The following ZNF423 variants were observed in gnomAD, a reference collection of about 807,000 sequenced individuals.
ZNF423 encodes the protein Ebf-associated zinc finger protein.
In ZNF423, 12 loss-of-function variants were observed where a neutral mutation model predicts 95.8. The ratio of observed to expected loss-of-function variants is 0.13; its 90% CI spans 0.08 to 0.20. The LOEUF (loss-of-function observed/expected upper bound fraction) is 0.20. Ranked by LOEUF, ZNF423 falls within the 10% of genes least tolerant of loss-of-function variation. ZNF423 has a pLI of 1.00. For missense variants in ZNF423, 1,316 were observed against 1,737.1 expected (o/e 0.76, Z 4.31); for synonymous variants, 749 against 711.9 (o/e 1.05, Z -0.83).
intron 7 of ZNF423, chr16:49,518,519 T>C: frequency 2.3e-6 from 1 of 441,760 alleles, no homozygotes; most frequent in South Asian, 1.6e-5. Context: ...ATATCTAGTC[T>C]TATTGCTGCA....
chr16:49,773,256 T>C (rs558735393), intron 2 of ZNF423, among the ~76,000 whole-genome samples: 3 of 151,974 alleles, frequency 2.0e-5, no homozygotes, highest in Admixed American at 2.0e-4. Flanking sequence ...GAGGCGAAAA[T>C]TGCAGTGAGC....
chr16:49,631,475 C>A (rs989760460), intron 4 of ZNF423, among the ~76,000 whole-genome samples: 2 of 151,978 alleles, frequency 1.3e-5, no homozygotes, highest in Non-Finnish European at 2.9e-5. Flanking sequence ...GATATAATTA[C>A]AGAAAGACAG....
intron 3 of ZNF423, among the ~76,000 whole-genome samples, chr16:49,700,879 G>A (rs1463567572): frequency 6.6e-6 from 1 of 152,078 alleles, no homozygotes; most frequent in East Asian, 1.9e-4. Flanking sequence ...AGTCACTCTG[G>A]CAGAAAGGAG....
At chr16:49,854,573 A>G (rs933469227) in intron 1 of ZNF423, 3 of 985,322 alleles carry the variant, frequency 3.0e-6, no homozygotes, top group Admixed American at 6.1e-5. Flanking sequence ...CCGTAGACTT[A>G]GCCGCTCTCA....
chr16:49,778,887 G>A (rs977017792), intron 2 of ZNF423, among the ~76,000 whole-genome samples: 7 of 152,156 alleles, frequency 4.6e-5, no homozygotes, highest in Non-Finnish European at 8.8e-5. Flanking sequence ...CACTCCATAC[G>A]GATTTCCCGT....
chr16:49,766,803 G>A (rs2033937733), intron 2 of ZNF423, among the ~76,000 whole-genome samples: 4 of 152,116 alleles, frequency 2.6e-5, no homozygotes, highest in Admixed American at 2.0e-4. Context: ...CTCACTTCCC[G>A]GCTGTGCTAT....
intron 3 of ZNF423, among the ~76,000 whole-genome samples, chr16:49,726,491 C>T (rs1043738450): frequency 2.0e-5 from 3 of 152,138 alleles, no homozygotes. Context: ...ATGATAAACA[C>T]CCCCTGCTGC....
chr16:49,726,533 G>T (rs374774372), intron 3 of ZNF423, among the ~76,000 whole-genome samples: 1 of 152,060 alleles, frequency 6.6e-6, no homozygotes, highest in Admixed American at 6.6e-5. Flanking sequence ...CTTGGCCAGC[G>T]CTTCACAAAT....
At chr16:49,582,428 G>A (rs1970702549) in intron 5 of ZNF423, among the ~76,000 whole-genome samples, 1 of 152,240 alleles carries the variant, frequency 6.6e-6, no homozygotes. Context: ...CCAGAAAGGT[G>A]TGATTAAATA....
At chr16:49,547,891 A>C (rs1457305489) in intron 5 of ZNF423, among the ~76,000 whole-genome samples, 1 of 152,238 alleles carries the variant, frequency 6.6e-6, no homozygotes, top group Non-Finnish European at 1.5e-5. Flanking sequence ...ATAATTGGGA[A>C]GGAGGTTACA....
intron 7 of ZNF423, among the ~76,000 whole-genome samples, chr16:49,507,851 G>A (rs1967708993): frequency 6.6e-6 from 1 of 152,200 alleles, no homozygotes; most frequent in Admixed American, 6.5e-5. Flanking sequence ...AGTGCAAGTT[G>A]GTAATAAGCC....
chr16:49,653,311 CAAAAAAAAAAA>C (rs5816652), intron 3 of ZNF423, among the ~76,000 whole-genome samples: 1 of 99,200 alleles, frequency 1.0e-5, no homozygotes, highest in Non-Finnish European at 1.9e-5. Context: ...CAAGAACCAC[CAAAAAAAAAAA>C]AAAAAAAAAG....
At chr16:49,504,191 A>G (rs1015985652) in intron 7 of ZNF423, among the ~76,000 whole-genome samples, 4 of 152,322 alleles carry the variant, frequency 2.6e-5, no homozygotes, top group Non-Finnish European at 5.9e-5. Flanking sequence ...TGATTGCACA[A>G]CAGTGTCAAT....
intron 5 of ZNF423, among the ~76,000 whole-genome samples, chr16:49,586,170 A>T (rs1367858734): frequency 6.6e-6 from 1 of 152,184 alleles, no homozygotes; most frequent in East Asian, 1.9e-4. Context: ...ATTACATAAG[A>T]ATTTCCGAGG....
upstream of ZNF423, among the ~76,000 whole-genome samples, chr16:49,856,427 G>GA (rs550708499): frequency 0.16 from 19,750 of 121,524 alleles, 1,682 homozygotes; most frequent in African/African-American, 0.23. Flanking sequence ...TACCCCCCAG[G>GA]AAAAAAAAAA....
At chr16:49,696,212 C>T (rs571084146) in intron 3 of ZNF423, among the ~76,000 whole-genome samples, 5 of 152,312 alleles carry the variant, frequency 3.3e-5, no homozygotes, top group African/African-American at 9.6e-5. Context: ...AAGGTCTTCA[C>T]GCCTGCTCCC....
intron 4 of ZNF423, among the ~76,000 whole-genome samples, chr16:49,632,090 G>C (rs940652336): frequency 1.3e-5 from 2 of 152,206 alleles, no homozygotes; most frequent in Non-Finnish European, 2.9e-5. Context: ...CCACCTAGCA[G>C]AGAAAGGCAC....
intron 3 of ZNF423, among the ~76,000 whole-genome samples, chr16:49,677,311 A>AGAAGAGAAGAGAAGAGAAG (rs2031134331): frequency 1.0e-4 from 1 of 9,742 alleles, no homozygotes; most frequent in African/African-American, 2.3e-4. Flanking sequence ...GAGAAGAGAA[A>AGAAGAGAAGAGAAGAGAAG]GGAGGGGAAG....
At chr16:49,527,415 T>C (rs1968658173) in intron 5 of ZNF423, among the ~76,000 whole-genome samples, 1 of 152,152 alleles carries the variant, frequency 6.6e-6, no homozygotes, top group African/African-American at 2.4e-5. Context: ...GGGGAGACGT[T>C]CATCATAATT....
Sources: allele counts gnomAD v4.1 joint callset (sites outside exome capture counted in the v4.1 genomes callset), GRCh38; gene constraint gnomAD v4.1.1; transcripts MANE v1.5; gene names NCBI Gene and HGNC (gene_info 2026-07-23, HGNC 2026-07-21).